Variants in DLG2 observed in about 807,000 individuals in gnomAD.
DLG2 encodes discs large MAGUK scaffold protein 2.
In DLG2, 45 loss-of-function variants were observed where a neutral mutation model predicts 132.5. That is an observed-to-expected ratio of 0.34 (90% CI 0.27 to 0.44). DLG2 has a LOEUF of 0.44. Ranked by LOEUF, DLG2 falls within the 20% of genes least tolerant of loss-of-function variation. The pLI, the probability that DLG2 is intolerant of heterozygous loss-of-function variation, is 1.00. For synonymous variants in DLG2, 424 were observed against 419.6 expected, an observed-to-expected ratio of 1.01 and a Z score of -0.13; for missense variants, 1,045 against 1,196.9, an observed-to-expected ratio of 0.87 and a Z score of 1.87.
chr11:84,476,088 A>G (rs1280943114), intron 7 of DLG2, among the ~76,000 whole-genome samples: 1 of 152,146 alleles, frequency 6.6e-6, no homozygotes. Context: ...ATAAAATTCT[A>G]GTTATTATCT....
intron 8 of DLG2, among the ~76,000 whole-genome samples, chr11:84,215,529 A>G (rs535460545): frequency 6.6e-6 from 1 of 152,236 alleles, no homozygotes; most frequent in East Asian, 1.9e-4. Flanking sequence ...TTGCTGGTTC[A>G]GCTTAAAGTC....
chr11:85,438,556 AC>A lies in DLG2; in HGVS notation c.41-153192del, dbSNP rs145881073. Among the ~76,000 whole-genome samples the A allele has an allele frequency of 1.6e-3, 251 of 152,328 alleles. 1 individual carries two copies. Among genetic ancestry groups the A allele is most frequent in the African/African-American group, 5.8e-3 (243 of 41,562 alleles). On this transcript the variant is annotated intron_variant, in intron 3 of 27. Coordinates refer to ENST00000376104, the MANE Select transcript of DLG2 (RefSeq NM_001142699.3). ...TATACAGAGATATCTTATACACTTT[AC>A]ACAGTTTCACCCAATGGAAATATTT...
At chr11:85,543,517 G>A (rs986461186) in intron 3 of DLG2, among the ~76,000 whole-genome samples, 32 of 152,034 alleles carry the variant, frequency 2.1e-4, no homozygotes, top group Admixed American at 6.5e-4. Context: ...TGGGATTGTC[G>A]GGTCAAATGG....
intron 4 of DLG2, among the ~76,000 whole-genome samples, chr11:85,207,821 C>T (rs1442201947): frequency 6.6e-6 from 1 of 151,888 alleles, no homozygotes; most frequent in Non-Finnish European, 1.5e-5. Flanking sequence ...TCATCTATCT[C>T]TCCAGCCTCC....
chr11:84,626,104 T>C (rs184938272), intron 6 of DLG2, among the ~76,000 whole-genome samples: 2 of 152,352 alleles, frequency 1.3e-5, no homozygotes, highest in East Asian at 3.9e-4. Context: ...TCTATTATCT[T>C]TTATTATGAA....
At chr11:85,245,807 A>G (rs117703906) in intron 4 of DLG2, among the ~76,000 whole-genome samples, 3,025 of 151,648 alleles carry the variant, frequency 0.02, 59 homozygotes, top group Admixed American at 0.037. Context: ...CATCTACTCT[A>G]CTCCAGCCTC....
chr11:84,650,870 TG>T, intron 6 of DLG2, among the ~76,000 whole-genome samples: 1 of 83,382 alleles, frequency 1.2e-5, no homozygotes, highest in Non-Finnish European at 2.5e-5. Context: ...TGTGTGTGTG[TG>T]TGTATATATA....
At chr11:84,657,862 G>A (rs1267521217) in intron 6 of DLG2, among the ~76,000 whole-genome samples, 1 of 152,192 alleles carries the variant, frequency 6.6e-6, no homozygotes, top group Non-Finnish European at 1.5e-5. Context: ...TTGCAGCAAA[G>A]GCTGCTAATT....
chr11:83,610,294 T>C (rs991072037), intron 19 of DLG2, among the ~76,000 whole-genome samples: 1 of 152,112 alleles, frequency 6.6e-6, no homozygotes, highest in African/African-American at 2.4e-5. Context: ...TGGAAGTAAT[T>C]GGCACAAGGC....
chr11:85,180,507 TAA>T (rs1227456699), intron 4 of DLG2, among the ~76,000 whole-genome samples: 1 of 151,812 alleles, frequency 6.6e-6, no homozygotes, highest in Non-Finnish European at 1.5e-5. Context: ...TAGGGACAAA[TAA>T]ACTGCATACT....
At chr11:85,292,791 C>T (rs576296640) in intron 3 of DLG2, among the ~76,000 whole-genome samples, 2 of 147,644 alleles carry the variant, frequency 1.4e-5, no homozygotes, top group African/African-American at 5.0e-5. Context: ...GGGGGTGGGG[C>T]AGAGAGATTA....
At chr11:83,754,904 G>A (rs891031149) in intron 18 of DLG2, among the ~76,000 whole-genome samples, 4 of 151,014 alleles carry the variant, frequency 2.6e-5, no homozygotes, top group East Asian at 1.9e-4. Context: ...TTCTATAATC[G>A]CTTTCATTTA....
chr11:85,370,621 C>T (rs1427026784), intron 3 of DLG2, among the ~76,000 whole-genome samples: 1 of 152,116 alleles, frequency 6.6e-6, no homozygotes, highest in Admixed American at 6.6e-5. Flanking sequence ...AAATAATTAC[C>T]TTACGGTACT....
At chr11:84,523,114 A>G (rs926493609) in intron 7 of DLG2, among the ~76,000 whole-genome samples, 9 of 152,190 alleles carry the variant, frequency 5.9e-5, no homozygotes, top group Admixed American at 1.3e-4. Context: ...AACAATTTCC[A>G]ATCATTACTG....
intron 7 of DLG2, among the ~76,000 whole-genome samples, chr11:84,455,417 A>C (rs1270597670): frequency 6.6e-6 from 1 of 151,342 alleles, no homozygotes; most frequent in African/African-American, 2.4e-5. Context: ...TTTAATTTCC[A>C]AAATTGATTT....
intron 3 of DLG2, among the ~76,000 whole-genome samples, chr11:85,517,400 C>T (rs1487550993): frequency 6.6e-6 from 1 of 152,096 alleles, no homozygotes; most frequent in African/African-American, 2.4e-5. Context: ...TTCACCACTC[C>T]TGTTCAACAC....
At chr11:85,607,200 A>G (rs2080628481) in intron 2 of DLG2, among the ~76,000 whole-genome samples, 1 of 152,228 alleles carries the variant, frequency 6.6e-6, no homozygotes, top group African/African-American at 2.4e-5. Context: ...TGACTAGCAC[A>G]GCCGCCGGAC....
chr11:85,143,782 C>T (rs1235459354), intron 5 of DLG2, among the ~76,000 whole-genome samples: 1 of 151,812 alleles, frequency 6.6e-6, no homozygotes, highest in East Asian at 1.9e-4. Flanking sequence ...CCATAGTGGT[C>T]AGAAAAGATA....
At chr11:83,779,701 A>G (rs2094728174) in intron 18 of DLG2, among the ~76,000 whole-genome samples, 2 of 152,192 alleles carry the variant, frequency 1.3e-5, no homozygotes, top group African/African-American at 4.8e-5. Context: ...TAGTTCCTCC[A>G]TATGTGAAAT....
Sources: allele counts gnomAD v4.1 joint callset (sites outside exome capture counted in the v4.1 genomes callset), GRCh38; gene constraint gnomAD v4.1.1; transcripts MANE v1.5; gene names NCBI Gene and HGNC (gene_info 2026-07-23, HGNC 2026-07-21).